Variants in SEPTIN14 observed in about 807,000 individuals in gnomAD.
SEPTIN14 encodes the protein septin-14.
SEPTIN14 carries 40 observed loss-of-function variants against 53.6 expected under a neutral mutation model. The ratio of observed to expected loss-of-function variants is 0.75; its 90% CI spans 0.58 to 0.97. The LOEUF (loss-of-function observed/expected upper bound fraction) is 0.97. Ranked by LOEUF, SEPTIN14 falls within the 50% of genes least tolerant of loss-of-function variation. SEPTIN14 has a pLI of 0.00. For missense variants in SEPTIN14, 471 were observed against 508.2 expected, an observed-to-expected ratio of 0.93 and a Z score of 0.70; for synonymous variants, 138 against 166.8, an observed-to-expected ratio of 0.83 and a Z score of 1.33.
chr7:55,843,179 C>T, intron 4 of SEPTIN14, 51 bp from the exon 5 acceptor site: 1 of 1,210,858 alleles, frequency 8.3e-7, no homozygotes, highest in Non-Finnish European at 1.1e-6. Context: ...AATCTAAAGC[C>T]TGCTTTTTGA....
At chr7:55,811,496 CTTTTTT>C in intron 7 of SEPTIN14, 188 of 179,972 alleles carry the variant, frequency 1.0e-3, no homozygotes, top group South Asian at 2.3e-3. Context: ...TTTTACAGTT[CTTTTTT>C]TTTTTTTTTT....
chr7:55,803,324 C>A (rs1403552907), intron 9 of SEPTIN14, among the ~76,000 whole-genome samples: 1 of 151,938 alleles, frequency 6.6e-6, no homozygotes, highest in Non-Finnish European at 1.5e-5. Context: ...CAGAGAAATG[C>A]CAATTTAAAC....
chr7:55,803,563 T>G (rs1788558690), intron 9 of SEPTIN14, among the ~76,000 whole-genome samples: 1 of 152,198 alleles, frequency 6.6e-6, no homozygotes, highest in Non-Finnish European at 1.5e-5. Flanking sequence ...CACTAATAGT[T>G]ATGTGTTCAA....
Position 55,819,809 on chromosome 7 carries a change from C to T in SEPTIN14, c.721-586G>A, listed in dbSNP as rs1788862750. Among the ~76,000 whole-genome samples, 5 of 152,114 alleles carry T rather than the reference C, an allele frequency of 3.3e-5. No homozygotes were observed. In the South Asian group the frequency reaches 1.0e-3, roughly 32 times the overall value. ...TAGAAAAAAGATTTTCAGTAGGCATCATTTTTCTCACACTATGTTTACCCT... is the reference window on the plus strand; with the variant it reads ...TAGAAAAAAGATTTTCAGTAGGCATTATTTTTCTCACACTATGTTTACCCT... On this transcript the variant is annotated intron_variant, in intron 6 of 9. Coordinates refer to ENST00000388975, the MANE Select transcript of SEPTIN14 (RefSeq NM_207366.3).
intron 9 of SEPTIN14, among the ~76,000 whole-genome samples, chr7:55,799,234 A>G (rs28611329): frequency 0.082 from 12,332 of 150,802 alleles, 1,242 homozygotes; most frequent in African/African-American, 0.24. Context: ...GGCTGGGCGC[A>G]GTGGCTCATG....
intron 6 of SEPTIN14, among the ~76,000 whole-genome samples, chr7:55,825,670 T>TA (rs1788970020): frequency 6.6e-6 from 1 of 152,122 alleles, no homozygotes; most frequent in Non-Finnish European, 1.5e-5. Flanking sequence ...ATTTTACATT[T>TA]AAAAAGAAGG....
chr7:55,820,143 G>A (rs776463946), intron 6 of SEPTIN14, among the ~76,000 whole-genome samples: 1 of 152,156 alleles, frequency 6.6e-6, no homozygotes, highest in South Asian at 2.1e-4. Flanking sequence ...GGGATTACAG[G>A]TGCCTGCCAC....
At chr7:55,827,906 T>C (rs1452183230) in intron 6 of SEPTIN14, among the ~76,000 whole-genome samples, 1 of 152,014 alleles carries the variant, frequency 6.6e-6, no homozygotes, top group Non-Finnish European at 1.5e-5. Flanking sequence ...ACCCAATATA[T>C]GCTGTAGTTA....
Position 55,794,672 on chromosome 7 carries a change from G to C in SEPTIN14, c.*1241C>G, listed in dbSNP as rs576242009. ...GGCACAGTGGCTTATACCAGGTGTG[G>C]TGACTCAGCGCTCTGTCACCCAGGC... On this transcript the variant is annotated 3_prime_UTR_variant, in exon 10 of 10. Transcript: ENST00000388975. 1 of 152,238 alleles carries C rather than the reference G, an allele frequency of 6.6e-6. No individual in the cohort carries two copies. The highest frequency in any genetic ancestry group is 1.9e-4 in the East Asian group (1 of 5,180). The allele number at this position is 152,238 out of a possible 1,614,324, so 9.4% of individuals were successfully genotyped here. A position where few individuals can be genotyped will look rare whatever the true frequency, so the allele number is the denominator to read the frequency against.
At chr7:55,830,922 C>A (rs554682920) in intron 6 of SEPTIN14, among the ~76,000 whole-genome samples, 1 of 152,130 alleles carries the variant, frequency 6.6e-6, no homozygotes, top group African/African-American at 2.4e-5. Flanking sequence ...CTTACTGAAA[C>A]TATTCCAAAA....
At chr7:55,852,511 A>G (rs1789536928) in intron 2 of SEPTIN14, among the ~76,000 whole-genome samples, 1 of 152,146 alleles carries the variant, frequency 6.6e-6, no homozygotes, top group Admixed American at 6.6e-5. Context: ...ACAGACTCCT[A>G]TCTCTTATCA....
intron 6 of SEPTIN14, among the ~76,000 whole-genome samples, chr7:55,830,349 A>ATATATATT (rs71015108): frequency 4.6e-4 from 26 of 56,848 alleles, no homozygotes; most frequent in East Asian, 2.4e-3. Flanking sequence ...ATATATATAT[A>ATATATATT]TTTTTTTTTT....
chr7:55,831,802 C>T (rs1789112191), intron 6 of SEPTIN14, among the ~76,000 whole-genome samples: 1 of 152,100 alleles, frequency 6.6e-6, no homozygotes, highest in South Asian at 2.1e-4. Context: ...TTAAAAAAGA[C>T]TGCAAAGGAT....
In SEPTIN14 at chr7:55,862,721, G is replaced by T. The variant is rs1789771613; in HGVS notation, c.-49C>A. ...GGATTCAGCTGTGCAGCAGACACAG[G>T]TCCGAACTGATTCCAAGCTGGTGTC... is the stretch of plus-strand genomic sequence containing the variant. On this transcript the variant is annotated 5_prime_UTR_variant, in exon 1 of 10. Coordinates refer to ENST00000388975, the MANE Select transcript of SEPTIN14 (RefSeq NM_207366.3). The T allele has an allele frequency of 6.6e-6, 1 of 152,102 alleles. No homozygotes were observed. The highest frequency in any genetic ancestry group is 2.1e-4 in the South Asian group (1 of 4,834). 9.4% of individuals were successfully genotyped at this position (152,102 alleles called of 1,614,324 possible). A position where few individuals can be genotyped will look rare whatever the true frequency, so the allele number is the denominator to read the frequency against.
Position 55,834,597 on chromosome 7 carries a change from A to T in SEPTIN14, c.559-11T>A. 1 of 1,575,428 alleles carries T rather than the reference A, an allele frequency of 6.3e-7. No individual in the cohort carries two copies. ...TGGTATAATATTCACCTATGAAGAA[A>T]GAAGACAAACAAAATCTCATCATTG... On this transcript the variant is annotated splice_polypyrimidine_tract_variant and intron_variant, in intron 5 of 9. Transcript: ENST00000388975.
intron 5 of SEPTIN14, among the ~76,000 whole-genome samples, chr7:55,842,106 C>A (rs554415313): frequency 6.6e-6 from 1 of 152,200 alleles, no homozygotes; most frequent in East Asian, 1.9e-4. Flanking sequence ...CCGTACAGTA[C>A]CATGCTGTCC....
At chr7:55,797,070 C>T (rs921564873) in intron 9 of SEPTIN14, among the ~76,000 whole-genome samples, 1 of 151,866 alleles carries the variant, frequency 6.6e-6, no homozygotes, top group African/African-American at 2.4e-5. Context: ...TTGCAGTAAG[C>T]CGAGACCGTG....
At chr7:55,826,507 T>G (rs1788989555) in intron 6 of SEPTIN14, among the ~76,000 whole-genome samples, 1 of 152,060 alleles carries the variant, frequency 6.6e-6, no homozygotes, top group African/African-American at 2.4e-5. Flanking sequence ...CCTTTAAGAA[T>G]AAAGGATGGG....
At chr7:55,848,812 T>A (rs961220115) in intron 2 of SEPTIN14, among the ~76,000 whole-genome samples, 1 of 150,842 alleles carries the variant, frequency 6.6e-6, no homozygotes, top group Non-Finnish European at 1.5e-5. Context: ...TTTCACCGTG[T>A]TAGCCAGGAT....
Sources: gnomAD v4.1 joint callset for allele counts (sites outside exome capture counted in the v4.1 genomes callset) on GRCh38, gnomAD v4.1.1 for gene constraint, MANE v1.5 for transcripts, NCBI Gene and HGNC (gene_info 2026-07-23, HGNC 2026-07-21) for gene names.